Variants in PRSS56 observed in about 807,000 individuals in gnomAD.
The protein encoded by PRSS56 is serine protease 56, also known as protease, serine 56.
In PRSS56, 55 loss-of-function variants were observed where a neutral mutation model predicts 66.8. That is an observed-to-expected ratio of 0.82 (90% CI 0.66 to 1.03). The LOEUF is 1.03. Ranked by LOEUF, PRSS56 falls within the 50% of genes least tolerant of loss-of-function variation. The pLI is 0.00. For missense variants in PRSS56, 869 were observed against 837.2 expected, an observed-to-expected ratio of 1.04 and a Z score of -0.47; for synonymous variants, 409 against 387.9, an observed-to-expected ratio of 1.05 and a Z score of -0.64.
At chr2:232,522,381 G>C (rs1387563137) in intron 4 of PRSS56, 134 bp from the exon 5 acceptor site, 1 of 906,030 alleles carries the variant, frequency 1.1e-6, no homozygotes. Context: ...TCTGGGACGG[G>C]ACCCCTCCCC....
Position 232,523,944 on chromosome 2 carries a change from C to A in PRSS56, c.1185C>A (p.Cys395Ter). ...HQQCLQRRRR[C>*]ELRSLAHTLL... is the part of the protein sequence containing the mutation. Reference sequence around the variant, plus strand: ...AGTGCCTGCAGCGCCGGCGGCGATGCGGTCAGTTCTGTTCACCCGGACCCG... The same window carrying A: ...AGTGCCTGCAGCGCCGGCGGCGATGAGGTCAGTTCTGTTCACCCGGACCCG... The change falls in exon 9 of 13, where the codon TGC becomes TGA. Residue 395 changes from cysteine to a stop codon, truncating the protein, a stop_gained and splice_region_variant. Coordinates refer to ENST00000617714, the MANE Select transcript of PRSS56 (RefSeq NM_001195129.2). LOFTEE classifies it high-confidence loss of function. The A allele has an allele frequency of 6.7e-7, 1 of 1,503,178 alleles. No homozygotes were observed. The highest frequency in any genetic ancestry group is 8.8e-7 in the Non-Finnish European group (1 of 1,131,680). The allele number at this position is 1,503,178 out of a possible 1,614,324, so 93.1% of individuals were successfully genotyped here.
intron 4 of PRSS56, 108 bp from the exon 5 acceptor site, chr2:232,522,406 GC>G: frequency 9.5e-7 from 1 of 1,052,620 alleles, no homozygotes. Flanking sequence ...CGCCCTCCGT[GC>G]CCCCAGGTGG....
rs1323334236 is a variant in PRSS56, at chr2:232,520,667, C to T, written c.69C>T (p.Tyr23=). 1 of 1,535,698 alleles carries T rather than the reference C, an allele frequency of 6.5e-7. No individual in the cohort carries two copies. The change falls in exon 1 of 13, where the codon TAC becomes TAT. Residue 23 remains tyrosine, a synonymous_variant. Transcript: ENST00000617714. ...SSWFAHGHPL[Y]TRLPPSALQV... ...GGTTTGCCCACGGGCACCCACTGTA[C>T]ACACGCCTGCCCCCCAGCGCCCTGC...
intron 10 of PRSS56, 51 bp downstream of exon 10, chr2:232,524,254 C>T: frequency 1.3e-6 from 2 of 1,534,672 alleles, no homozygotes; most frequent in Non-Finnish European, 1.7e-6. Flanking sequence ...CCCACCCGCG[C>T]GGCACAGCCA....
chr2:232,523,652 GGCCCAT>G, intron 8 of PRSS56, 74 bp downstream of exon 8: 1 of 1,504,852 alleles, frequency 6.6e-7, no homozygotes, highest in Non-Finnish European at 8.9e-7. Context: ...GTTTCCACCC[GGCCCAT>G]GCCCATTCCC....
Position 232,525,381 on chromosome 2 carries a change from C to T in PRSS56, c.1687C>T (p.Arg563Cys), listed in dbSNP as rs1340798593. 3.9e-6 allele frequency: 6 copies of T among 1,533,866 alleles called. No homozygotes were observed. Among genetic ancestry groups the T allele is most frequent in the East Asian group, 2.4e-5 (1 of 40,892 alleles). The change falls in exon 13 of 13, where the codon CGC (arginine) becomes TGC (cysteine). Residue 563 changes from arginine to cysteine, a missense_variant. This residue lies in a region of PRSS56 where 551 missense variants were observed against 506.9 expected (regional missense o/e 1.09). Transcript: ENST00000617714. ...GCTGGTGCAGGCCCTGCAGGCCTTC[C>T]GCGTGGCTGCCCTGGCAGAAGGGGA... is the stretch of plus-strand genomic sequence containing the variant. ...RLLVQALQAF[R>C]VAALAEGEPE...
At chr2:232,524,940 C>T (rs1427563852) in intron 12 of PRSS56, 96 bp downstream of exon 12, 1 of 1,081,224 alleles carries the variant, frequency 9.2e-7, no homozygotes, top group South Asian at 1.4e-5. Flanking sequence ...GATACCCTCC[C>T]AGCAGCCTGG....
At chr2:232,521,736 G>T in intron 2 of PRSS56, 80 bp from the exon 3 acceptor site, 2 of 1,383,990 alleles carry the variant, frequency 1.4e-6, no homozygotes, top group South Asian at 1.3e-5. Flanking sequence ...GGAGAGATGG[G>T]GAGAGAGAGG....
Position 232,522,767 on chromosome 2 carries a change from G to C in PRSS56, c.612G>C (p.Gly204=). The change falls in exon 6 of 13, where the codon GGG becomes GGC. Residue 204 remains glycine (G), a synonymous_variant. Transcript: ENST00000617714. ...LVQLWTPVSP[G]GSARPVCLPQ... The stretch of plus-strand genomic sequence containing the variant: ...AGCTGTGGACGCCGGTGAGCCCGGG[G>C]GGATCGGCGCGCCCCGTGTGCCTGC... The C allele has an allele frequency of 1.3e-6, 2 of 1,527,448 alleles. No individual in the cohort carries two copies. The highest frequency in any genetic ancestry group is 1.8e-6 in the Non-Finnish European group (2 of 1,140,698). 94.6% of individuals were successfully genotyped at this position (1,527,448 alleles called of 1,614,324 possible). A position where few individuals can be genotyped will look rare whatever the true frequency, so the allele number is the denominator to read the frequency against.
chr2:232,523,578 G>A lies in PRSS56; in HGVS notation c.1012G>A (p.Ala338Thr). 5 of 1,522,026 alleles carry A rather than the reference G, an allele frequency of 3.3e-6. No individual in the cohort carries two copies. Among genetic ancestry groups the A allele is most frequent in the South Asian group, 1.2e-5 (1 of 81,618 alleles). The allele number at this position is 1,522,026 out of a possible 1,614,324, so 94.3% of individuals were successfully genotyped here. A position where few individuals can be genotyped will look rare whatever the true frequency, so the allele number is the denominator to read the frequency against. The change falls in exon 8 of 13, where the codon GCC (alanine) becomes ACC (threonine). Residue 338 changes from alanine to threonine, a missense_variant and splice_region_variant. Ala to Thr is a moderately conservative substitution (Grantham distance 58). Transcript: ENST00000617714. The stretch of plus-strand genomic sequence containing the variant: ...GGACTGGCTCCAGGAGCAGATGAGC[G>A]GTGAGCGCCCTCTTTCCAATGCCCC... ...FKDWLQEQMSASSSREPSCRE... is the reference protein window; with the variant it reads ...FKDWLQEQMSTSSSREPSCRE...
chr2:232,521,904 C>T, intron 3 of PRSS56, 38 bp downstream of exon 3: 1 of 1,529,432 alleles, frequency 6.5e-7, no homozygotes, highest in Non-Finnish European at 8.8e-7. Context: ...GGCCTGAGAG[C>T]CGGGTGGGCC....
Position 232,524,833 on chromosome 2 carries a change from A to T in PRSS56, c.1510A>T (p.Asn504Tyr), listed in dbSNP as rs935676795. ...LQVPSEHLAMNFHEVLADLGS... is the reference protein window; with the variant it reads ...LQVPSEHLAMYFHEVLADLGS... Reference sequence around the variant, plus strand: ...GGTCCCCTCGGAGCACCTGGCCATGAACTTTCATGAGGTAGGTCCCCAGGC... The same window carrying T: ...GGTCCCCTCGGAGCACCTGGCCATGTACTTTCATGAGGTAGGTCCCCAGGC... Residue 504 changes from asparagine (N) to tyrosine (Y), a missense_variant, in exon 12 of 13, where the codon AAC (asparagine) becomes TAC (tyrosine). Transcript: ENST00000617714. 1 of 1,535,014 alleles carries T rather than the reference A, an allele frequency of 6.5e-7. No homozygotes were observed. The highest frequency in any genetic ancestry group is 8.7e-7 in the Non-Finnish European group (1 of 1,146,028).
rs1428350394 is a variant in PRSS56, at chr2:232,523,496, G to C, written c.930G>C (p.Gly310=). The C allele has an allele frequency of 4.6e-6, 7 of 1,530,888 alleles. No homozygotes were observed. Among genetic ancestry groups the C allele is most frequent in the Non-Finnish European group, 6.1e-6 (7 of 1,144,560 alleles). The allele number at this position is 1,530,888 out of a possible 1,614,324, so 94.8% of individuals were successfully genotyped here. A position where few individuals can be genotyped will look rare whatever the true frequency, so the allele number is the denominator to read the frequency against. The change falls in exon 8 of 13, where the codon GGG becomes GGC. Residue 310 remains glycine (G), a synonymous_variant. Coordinates refer to ENST00000617714, the MANE Select transcript of PRSS56 (RefSeq NM_001195129.2). The part of the protein sequence containing the change: ...REVLFGVTSW[G]DGCGEPGKPG... ...TCCTGTTCGGAGTCACCTCCTGGGG[G>C]GACGGCTGCGGGGAGCCAGGGAAGC... is the stretch of plus-strand genomic sequence containing the variant.
Position 232,523,193 on chromosome 2 carries a change from C to T in PRSS56, c.840C>T (p.Asp280=). ...LCAGYLAGGV[D]SCQGDSGGPL... is the part of the protein sequence containing the mutation. ...CCGGGTACCTGGCGGGGGGCGTTGA[C>T]TCGTGCCAGGTATGAACCCAGTCTG... Residue 280 remains aspartate, a synonymous_variant, in exon 7 of 13, where the codon GAC becomes GAT. Coordinates refer to ENST00000617714, the MANE Select transcript of PRSS56 (RefSeq NM_001195129.2). 1 of 1,472,152 alleles carries T rather than the reference C, an allele frequency of 6.8e-7. No homozygotes were observed. Among genetic ancestry groups the T allele is most frequent in the South Asian group, 1.3e-5 (1 of 74,146 alleles). 91.2% of individuals were successfully genotyped at this position (1,472,152 alleles called of 1,614,324 possible).
chr2:232,525,048 G>C (rs1418902286), intron 12 of PRSS56, among the ~76,000 whole-genome samples, 168 bp from the exon 13 acceptor site: 1 of 152,014 alleles, frequency 6.6e-6, no homozygotes, highest in African/African-American at 2.4e-5. Flanking sequence ...GTGGTGGTGG[G>C]GAGAGTGAGT....
Position 232,523,915 on chromosome 2 carries a change from C to T in PRSS56, c.1156C>T (p.Gln386Ter). The T allele has an allele frequency of 6.6e-7, 1 of 1,514,120 alleles. No homozygotes were observed. Among genetic ancestry groups the T allele is most frequent in the Non-Finnish European group, 8.8e-7 (1 of 1,136,328 alleles). 93.8% of individuals were successfully genotyped at this position (1,514,120 alleles called of 1,614,324 possible). Residue 386 changes from glutamine (Q) to a stop codon, truncating the protein, a stop_gained, in exon 9 of 13, where the codon CAG becomes TAG. Coordinates refer to ENST00000617714, the MANE Select transcript of PRSS56 (RefSeq NM_001195129.2). LOFTEE classifies it high-confidence loss of function. ...GGGCGCCTGTGCGCGCCTGGCGCAC[C>T]AGCAGTGCCTGCAGCGCCGGCGGCG... ...SQGACARLAHQQCLQRRRRCE... is the reference protein window; with the variant it reads ...SQGACARLAH
At position 232,520,529 on chromosome 2, in the gene PRSS56, A is replaced by T; in HGVS notation, c.-70A>T. ...GGCAGCAGAAGGCGGGCACCAAAGG[A>T]TAGGCACCCGGAAGGTGGACTCCGA... On this transcript the variant is annotated 5_prime_UTR_variant, in exon 1 of 13. Coordinates refer to ENST00000617714, the MANE Select transcript of PRSS56 (RefSeq NM_001195129.2). 1 of 1,296,656 alleles carries T rather than the reference A, an allele frequency of 7.7e-7. No homozygotes were observed. The highest frequency in any genetic ancestry group is 2.0e-5 in the Admixed American group (1 of 50,630). The allele number at this position is 1,296,656 out of a possible 1,614,324, so 80.3% of individuals were successfully genotyped here.
chr2:232,525,406 A>G lies in PRSS56; in HGVS notation c.1712A>G (p.Glu571Gly). ...CGCGTGGCTGCCCTGGCAGAAGGGG[A>G]GCCCGAGGGACCCTGGATGGATGTA... ...AFRVAALAEGEPEGPWMDVGQ... is the reference protein window; with the variant it reads ...AFRVAALAEGGPEGPWMDVGQ... Residue 571 changes from glutamate (E) to glycine (G), a missense_variant, in exon 13 of 13, where the codon GAG (glutamate) becomes GGG (glycine). Physicochemically the swap from Glu to Gly is moderately conservative, Grantham distance 98. This residue lies in a region of PRSS56 where 551 missense variants were observed against 506.9 expected (regional missense o/e 1.09). Transcript: ENST00000617714. 1 of 1,533,594 alleles carries G rather than the reference A, an allele frequency of 6.5e-7. No homozygotes were observed. Among genetic ancestry groups the G allele is most frequent in the South Asian group, 1.2e-5 (1 of 83,918 alleles). 95.0% of individuals were successfully genotyped at this position (1,533,594 alleles called of 1,614,324 possible).
rs745845707 is a variant in PRSS56 at position 232,521,419 on chromosome 2, G to A, written c.196G>A (p.Glu66Lys). The change falls in exon 2 of 13, where the codon GAG (glutamate) becomes AAG (lysine). Residue 66 changes from glutamate to lysine, a missense_variant. Glu to Lys is a moderately conservative substitution (Grantham distance 56, BLOSUM62 1). Around this residue, in one of 3 missense-constraint regions of PRSS56, gnomAD observed 315 missense variants for 313.7 expected, o/e 1.00. Coordinates refer to ENST00000617714, the MANE Select transcript of PRSS56 (RefSeq NM_001195129.2). The part of the protein sequence containing the change: ...VAMEIQHRSH[E>K]CRGSGRPRPQ... The stretch of plus-strand genomic sequence containing the variant: ...GATGGAGATCCAGCACAGATCGCAC[G>A]AGTGCCGAGGTGCCCACCCTGCCCC... 10 of 1,535,832 alleles carry A rather than the reference G, an allele frequency of 6.5e-6. No individual in the cohort carries two copies. The highest frequency in any genetic ancestry group is 5.9e-5 in the Admixed American group (3 of 50,984).
Sources: allele counts gnomAD v4.1 joint callset (sites outside exome capture counted in the v4.1 genomes callset), GRCh38; gene constraint gnomAD v4.1.1; regional missense constraint gnomAD v4.1.1; transcripts MANE v1.5; gene names NCBI Gene and HGNC (gene_info 2026-07-23, HGNC 2026-07-21).